Variants in KIAA2012 observed in about 807,000 individuals in gnomAD.
KIAA2012 encodes uncharacterized protein KIAA2012.
Under a neutral mutation model 150.6 loss-of-function variants are expected in KIAA2012, and 125 were observed. The observed-to-expected ratio is 0.83, with a 90% CI of 0.72 to 0.96. The LOEUF (loss-of-function observed/expected upper bound fraction) is 0.96. Among genes scored for constraint, KIAA2012 ranks in the 40% least tolerant of loss-of-function variants. The probability of loss-of-function intolerance (pLI) is 0.00; values close to 1 mark genes in which losing one functional copy is unlikely to be tolerated. For missense variants in KIAA2012, 1,219 were observed against 1,354.9 expected (o/e 0.90, Z 1.57); for synonymous variants, 462 against 504.7 (o/e 0.92, Z 1.13).
chr2:202,176,981 A>G (rs1692003726), intron 15 of KIAA2012, among the ~76,000 whole-genome samples: 1 of 152,140 alleles, frequency 6.6e-6, no homozygotes, highest in Admixed American at 6.5e-5. Flanking sequence ...ACAGTGACTC[A>G]CCTAAAAAGG....
Position 202,190,196 on chromosome 2 carries a change from T to C in KIAA2012, c.2514T>C (p.Ala838=). Residue 838 remains alanine (A), a synonymous_variant, in exon 19 of 24, where the codon GCT becomes GCC. Transcript: ENST00000498697. ...CAGGAAAGTCAAAGGACTCAAAGGC[T>C]AAAAAAAAATTAGAAAAAAAAACAA... The part of the protein sequence containing the change: ...AAIGKSKDSK[A]KKKLEKKTRP... 1 of 1,496,208 alleles carries C rather than the reference T, an allele frequency of 6.7e-7. No homozygotes were observed. The highest frequency in any genetic ancestry group is 8.9e-7 in the Non-Finnish European group (1 of 1,124,332). 92.7% of individuals were successfully genotyped at this position (1,496,208 alleles called of 1,614,324 possible). A position where few individuals can be genotyped will look rare whatever the true frequency, so the allele number is the denominator to read the frequency against.
At chr2:202,129,159 G>T (rs1166266171) in intron 12 of KIAA2012, among the ~76,000 whole-genome samples, 1 of 150,852 alleles carries the variant, frequency 6.6e-6, no homozygotes, top group East Asian at 1.9e-4. Context: ...ATACCCCCTG[G>T]AACTGAGTTC....
At chr2:202,109,522 AGGTCCT>A in intron 9 of KIAA2012, 85 bp from the exon 10 acceptor site, 2 of 1,118,344 alleles carry the variant, frequency 1.8e-6, no homozygotes, top group Non-Finnish European at 2.5e-6. Flanking sequence ...CTTCACACAG[AGGTCCT>A]TCAACCAAGT....
chr2:202,151,517 C>G (rs540649068), intron 13 of KIAA2012, among the ~76,000 whole-genome samples: 41 of 152,170 alleles, frequency 2.7e-4, no homozygotes, highest in African/African-American at 9.6e-4. Context: ...TCATCCAGCT[C>G]TCTCCTCAGA....
intron 13 of KIAA2012, among the ~76,000 whole-genome samples, chr2:202,150,908 A>T (rs1348672914): frequency 6.6e-6 from 1 of 151,950 alleles, no homozygotes; most frequent in East Asian, 1.9e-4. Flanking sequence ...TTGACTCCTG[A>T]TCACTATTTA....
chr2:202,132,037 G>A (rs745516241), intron 12 of KIAA2012, among the ~76,000 whole-genome samples: 7 of 152,032 alleles, frequency 4.6e-5, no homozygotes, highest in East Asian at 1.9e-4. Flanking sequence ...TTAGCAAGGC[G>A]TGATGGTGCA....
chr2:202,133,553 G>A (rs1405163897), intron 12 of KIAA2012, among the ~76,000 whole-genome samples: 1 of 152,080 alleles, frequency 6.6e-6, no homozygotes, highest in African/African-American at 2.4e-5. Context: ...TGCATTTACT[G>A]GGTACTTCCA....
intron 2 of KIAA2012, among the ~76,000 whole-genome samples, chr2:202,079,257 C>T (rs1342976193): frequency 6.6e-6 from 1 of 152,108 alleles, no homozygotes; most frequent in Non-Finnish European, 1.5e-5. Context: ...CAAGTTGAGT[C>T]CACCAATAAC....
intron 15 of KIAA2012, chr2:202,179,591 T>G: frequency 9.0e-6 from 6 of 666,362 alleles, no homozygotes; most frequent in South Asian, 8.3e-5. Context: ...TACTATCTTG[T>G]GTACCAAGTG....
chr2:202,168,283 G>C (rs1691812292), intron 15 of KIAA2012, among the ~76,000 whole-genome samples: 1 of 151,812 alleles, frequency 6.6e-6, no homozygotes, highest in South Asian at 2.1e-4. Context: ...GCCAGGTGTG[G>C]TGGCACGTGC....
chr2:202,126,723 T>C (rs1174269455), intron 12 of KIAA2012, among the ~76,000 whole-genome samples: 2 of 152,188 alleles, frequency 1.3e-5, no homozygotes, highest in African/African-American at 4.8e-5. Context: ...GCATTCATTA[T>C]TTCATTTCAT....
At chr2:202,121,689 G>A (rs898974430) in intron 11 of KIAA2012, among the ~76,000 whole-genome samples, 1 of 152,178 alleles carries the variant, frequency 6.6e-6, no homozygotes. Flanking sequence ...GCAGAGCTGG[G>A]CTTCATTCCC....
At chr2:202,083,367 C>A (rs1689491630) in intron 2 of KIAA2012, among the ~76,000 whole-genome samples, 1 of 151,864 alleles carries the variant, frequency 6.6e-6, no homozygotes, top group Admixed American at 6.6e-5. Context: ...CTTCTCTCCT[C>A]TCCCTCCCAC....
intron 11 of KIAA2012, among the ~76,000 whole-genome samples, chr2:202,122,497 TC>T (rs1241606056): frequency 7.9e-6 from 1 of 125,828 alleles, no homozygotes; most frequent in Non-Finnish European, 1.6e-5. Context: ...TCAAATCCGC[TC>T]TTTTTTTTTT....
intron 12 of KIAA2012, among the ~76,000 whole-genome samples, chr2:202,133,130 A>ATATATATATATATATTTTTTTTTTTTT (rs1279080237): frequency 7.4e-5 from 5 of 67,774 alleles, no homozygotes; most frequent in South Asian, 5.4e-4. Context: ...ATATATATAT[A>ATATATATATATATATTTTTTTTTTTTT]TTTTTTTTTT....
At chr2:202,125,893 A>C (rs1690771572) in intron 12 of KIAA2012, 1 of 437,276 alleles carries the variant, frequency 2.3e-6, no homozygotes, top group African/African-American at 2.2e-5. Context: ...TCCTAAAAAT[A>C]GTCTTTGATT....
chr2:202,103,016 A>G lies in KIAA2012; in HGVS notation c.1226A>G (p.Gln409Arg), dbSNP rs1228998663. The G allele has an allele frequency of 6.4e-7, 1 of 1,550,538 alleles. No individual in the cohort carries two copies. Among genetic ancestry groups the G allele is most frequent in the East Asian group, 2.4e-5 (1 of 40,926 alleles). The change falls in exon 8 of 24, where the codon CAA becomes CGA. Residue 409 changes from glutamine to arginine, a missense_variant. By Grantham distance (43) the Gln-to-Arg change is conservative (BLOSUM62 1). Coordinates refer to ENST00000498697, the MANE Select transcript of KIAA2012 (RefSeq NM_001277372.4). ...PPRVLEPLKS[Q>R]FKANEPPTEL... The stretch of plus-strand genomic sequence containing the variant: ...AGAGTCTTGGAGCCCCTGAAGAGCC[A>G]ATTTAAAGCCAATGAGCCCCCAACA...
intron 2 of KIAA2012, among the ~76,000 whole-genome samples, chr2:202,082,786 T>C (rs1302401660): frequency 2.6e-5 from 4 of 152,116 alleles, no homozygotes; most frequent in Non-Finnish European, 5.9e-5. Flanking sequence ...AGTTCTTATG[T>C]TTAGGTTTTT....
In KIAA2012 at chr2:202,073,503, A is replaced by G; in HGVS notation, c.-125A>G. The G allele has an allele frequency of 1.4e-6, 1 of 718,838 alleles. No individual in the cohort carries two copies. The highest frequency in any genetic ancestry group is 2.3e-6 in the Non-Finnish European group (1 of 431,944). The allele number at this position is 718,838 out of a possible 1,614,324, so 44.5% of individuals were successfully genotyped here. A position where few individuals can be genotyped will look rare whatever the true frequency, so the allele number is the denominator to read the frequency against. On this transcript the variant is annotated 5_prime_UTR_variant, in exon 1 of 24. The change creates a new upstream start codon in the 5' untranslated region. Transcript: ENST00000498697. Reference sequence around the variant, plus strand: ...TGCGAGAGGGAAAAATGTATTTAATAAAAGGCCCTGTGTTTGTGGTCTTCT... The same window carrying G: ...TGCGAGAGGGAAAAATGTATTTAATGAAAGGCCCTGTGTTTGTGGTCTTCT...
Sources: gnomAD v4.1 joint callset for allele counts (sites outside exome capture counted in the v4.1 genomes callset) on GRCh38, gnomAD v4.1.1 for gene constraint, MANE v1.5 for transcripts, NCBI Gene and HGNC (gene_info 2026-07-23, HGNC 2026-07-21) for gene names.